The following GFRAL variants were observed in gnomAD, a reference collection of about 807,000 sequenced individuals.
GFRAL encodes GDNF family receptor alpha-like.
A neutral mutation model predicts 45.4 loss-of-function variants in GFRAL; 36 were observed. That is an observed-to-expected ratio of 0.79 (90% CI 0.61 to 1.05). The LOEUF (loss-of-function observed/expected upper bound fraction) is 1.05. GFRAL is among the 50% of genes least tolerant of loss of function. The pLI is 0.00. For synonymous variants in GFRAL, 166 were observed against 154.1 expected (o/e 1.08, Z -0.57); for missense variants, 507 against 467.5 (o/e 1.08, Z -0.78).
intron 6 of GFRAL, among the ~76,000 whole-genome samples, chr6:55,360,703 T>G (rs904035101): frequency 6.6e-6 from 1 of 151,994 alleles, no homozygotes; most frequent in Non-Finnish European, 1.5e-5. Context: ...CCTCTCTTAT[T>G]AACATTAGTT....
At chr6:55,345,140 C>A (rs1768020895) in intron 3 of GFRAL, among the ~76,000 whole-genome samples, 1 of 152,098 alleles carries the variant, frequency 6.6e-6, no homozygotes, top group South Asian at 2.1e-4. Context: ...AGATTCAATG[C>A]CATCCCCATC....
chr6:55,354,197 T>C (rs1332503292), intron 5 of GFRAL, among the ~76,000 whole-genome samples: 2 of 152,016 alleles, frequency 1.3e-5, no homozygotes, highest in East Asian at 3.9e-4. Flanking sequence ...TCTGCTGCTA[T>C]AGTCCTTGAG....
At position 55,366,324 on chromosome 6, in the gene GFRAL, G is replaced by T. The variant is rs1460260004; in HGVS notation, c.952+7186G>T. ...TTTTTTATTGCATCTATTTGATTCT[G>T]CTCTTTTTTTTTCTTTATTAGTCTT... is the stretch of plus-strand genomic sequence containing the variant. On this transcript the variant is annotated intron_variant, in intron 6 of 8. Coordinates refer to ENST00000340465, the MANE Select transcript of GFRAL (RefSeq NM_207410.2). 2.6e-5 allele frequency among the ~76,000 whole-genome samples: 4 copies of T among 151,738 alleles called. No homozygotes were observed. The East Asian group carries it at 7.7e-4, about 29-fold the overall frequency.
At chr6:55,346,840 C>CA (rs1554187948) in intron 3 of GFRAL, among the ~76,000 whole-genome samples, 3 of 78,118 alleles carry the variant, frequency 3.8e-5, no homozygotes, top group African/African-American at 7.9e-5. Flanking sequence ...ATCCCCCCCC[C>CA]CCAAAAAAAA....
intron 3 of GFRAL, among the ~76,000 whole-genome samples, chr6:55,349,084 A>G (rs778719199): frequency 1.3e-5 from 2 of 152,048 alleles, no homozygotes; most frequent in African/African-American, 2.4e-5. Flanking sequence ...GATCAAGAAG[A>G]AAGAGTGGTT....
intron 6 of GFRAL, among the ~76,000 whole-genome samples, chr6:55,396,047 A>G (rs1307487793): frequency 6.6e-6 from 1 of 152,136 alleles, no homozygotes; most frequent in Non-Finnish European, 1.5e-5. Context: ...TCTGACTTTA[A>G]TTTCATGGTT....
chr6:55,368,088 G>A (rs1256113941), intron 6 of GFRAL, among the ~76,000 whole-genome samples: 1 of 149,516 alleles, frequency 6.7e-6, no homozygotes, highest in East Asian at 1.9e-4. Flanking sequence ...CCAATCAGAT[G>A]TAGATTTGGT....
At chr6:55,336,781 A>G in intron 3 of GFRAL, among the ~76,000 whole-genome samples, 1 of 152,150 alleles carries the variant, frequency 6.6e-6, no homozygotes, top group East Asian at 1.9e-4. Flanking sequence ...TTGAAAGTGG[A>G]CATCTTACCT....
At chr6:55,369,680 A>G (rs938752229) in intron 6 of GFRAL, among the ~76,000 whole-genome samples, 1 of 80,606 alleles carries the variant, frequency 1.2e-5, no homozygotes, top group Non-Finnish European at 2.4e-5. Context: ...TGCATTTTTA[A>G]ATTTGGTAGA....
intron 5 of GFRAL, among the ~76,000 whole-genome samples, chr6:55,354,281 A>T (rs370526715): frequency 3.3e-5 from 5 of 151,998 alleles, no homozygotes; most frequent in Admixed American, 2.6e-4. Context: ...TCTCAGATGG[A>T]CTGGCACAGA....
At chr6:55,338,889 A>C (rs1767924397) in intron 3 of GFRAL, among the ~76,000 whole-genome samples, 1 of 152,184 alleles carries the variant, frequency 6.6e-6, no homozygotes, top group African/African-American at 2.4e-5. Context: ...AACCGTTGCT[A>C]TGAGGAGCTA....
At chr6:55,340,598 G>A (rs1253223593) in intron 3 of GFRAL, among the ~76,000 whole-genome samples, 1 of 152,154 alleles carries the variant, frequency 6.6e-6, no homozygotes, top group East Asian at 1.9e-4. Context: ...CAGCCTGAGT[G>A]ATGCAGAAGA....
At chr6:55,342,602 G>A (rs1767983710) in intron 3 of GFRAL, among the ~76,000 whole-genome samples, 1 of 152,030 alleles carries the variant, frequency 6.6e-6, no homozygotes, top group Non-Finnish European at 1.5e-5. Context: ...TCGATGTTAG[G>A]AAGAAACTGC....
At chr6:55,389,487 G>C (rs1420393622) in intron 6 of GFRAL, among the ~76,000 whole-genome samples, 1 of 151,942 alleles carries the variant, frequency 6.6e-6, no homozygotes, top group African/African-American at 2.4e-5. Context: ...AAAAAAAATA[G>C]CTCCTGTTGT....
chr6:55,347,556 G>C (rs1016531028), intron 3 of GFRAL, among the ~76,000 whole-genome samples: 2 of 152,096 alleles, frequency 1.3e-5, no homozygotes, highest in Non-Finnish European at 2.9e-5. Context: ...AGAAAAGAGG[G>C]AGGCACAACC....
chr6:55,372,984 TAGAC>T (rs1315790097), intron 6 of GFRAL, among the ~76,000 whole-genome samples: 1 of 151,168 alleles, frequency 6.6e-6, no homozygotes, highest in Non-Finnish European at 1.5e-5. Flanking sequence ...CACCTTGTAA[TAGAC>T]AGGAAACCCA....
At chr6:55,330,443 G>A (rs899656217) in intron 1 of GFRAL, among the ~76,000 whole-genome samples, 4 of 152,100 alleles carry the variant, frequency 2.6e-5, no homozygotes, top group Admixed American at 6.6e-5. Context: ...CACAGTTCTA[G>A]TAAATGGATG....
rs1422750964 is a variant in GFRAL, at chr6:55,354,995, T to C, written c.701+3412T>C. On this transcript the variant is annotated intron_variant, in intron 5 of 8. Coordinates refer to ENST00000340465, the MANE Select transcript of GFRAL (RefSeq NM_207410.2). ...CAAAAGTCTGGGTATTTACAGAAAA[T>C]TATAATACATTATATTTTTATATAT... 5.3e-5 allele frequency among the ~76,000 whole-genome samples: 8 copies of C among 152,022 alleles called. No homozygotes were observed. The East Asian group carries it at 1.5e-3, about 29-fold the overall frequency.
intron 3 of GFRAL, among the ~76,000 whole-genome samples, chr6:55,340,061 G>A (rs1394958901): frequency 2.0e-5 from 3 of 152,176 alleles, no homozygotes; most frequent in Non-Finnish European, 2.9e-5. Context: ...GATGGACTTC[G>A]TAAAGGACCT....
Sources: gnomAD v4.1 joint callset for allele counts (sites outside exome capture counted in the v4.1 genomes callset) on GRCh38, gnomAD v4.1.1 for gene constraint, MANE v1.5 for transcripts, NCBI Gene and HGNC (gene_info 2026-07-23, HGNC 2026-07-21) for gene names.